The following HIVEP2 variants were observed in gnomAD, a reference collection of about 807,000 sequenced individuals.
HIVEP2 encodes HIVEP zinc finger 2.
In HIVEP2, 14 loss-of-function variants were observed where a neutral mutation model predicts 180.7. The observed-to-expected ratio is 0.08, with a 90% CI of 0.05 to 0.12. The LOEUF (loss-of-function observed/expected upper bound fraction) is 0.12, where lower values mean the gene tolerates loss of function less well. Ranked by LOEUF, HIVEP2 falls within the 10% of genes least tolerant of loss-of-function variation. HIVEP2 has a pLI of 1.00. For missense variants in HIVEP2, 2,579 were observed against 3,008.5 expected (o/e 0.86, Z 3.34); for synonymous variants, 1,184 against 1,136.4 (o/e 1.04, Z -0.84).
At chr6:142,818,114 C>T (rs1202486348) in intron 2 of HIVEP2, among the ~76,000 whole-genome samples, 1 of 152,112 alleles carries the variant, frequency 6.6e-6, no homozygotes, top group Non-Finnish European at 1.5e-5. Flanking sequence ...CAAATTACCT[C>T]ATTGTTGCCA....
intron 1 of HIVEP2, among the ~76,000 whole-genome samples, chr6:142,925,973 C>T (rs1304154995): frequency 6.6e-6 from 1 of 152,168 alleles, no homozygotes; most frequent in Non-Finnish European, 1.5e-5. Flanking sequence ...CAACCAGGGA[C>T]GTAATCACAA....
chr6:142,841,077 A>G (rs1350041041), intron 1 of HIVEP2, among the ~76,000 whole-genome samples: 1 of 152,072 alleles, frequency 6.6e-6, no homozygotes, highest in Non-Finnish European at 1.5e-5. Context: ...TTTAGGTCAT[A>G]GTTCTTCTTA....
intron 7 of HIVEP2, among the ~76,000 whole-genome samples, chr6:142,763,688 C>G (rs1014445134): frequency 2.0e-5 from 3 of 152,114 alleles, no homozygotes; most frequent in Non-Finnish European, 2.9e-5. Flanking sequence ...ATTTTCTTAT[C>G]TCCTAGGGAA....
At chr6:142,945,496 C>T (rs1778304670), upstream of HIVEP2, among the ~76,000 whole-genome samples, 1 of 152,126 alleles carries the variant, frequency 6.6e-6, no homozygotes, top group African/African-American at 2.4e-5. This position sits in a 1 kb window ranked among gnomAD's most constrained non-coding sequence, Gnocchi z 5.5. Context: ...CTTACCGAGC[C>T]GAGGAGGGAC....
chr6:142,800,982 A>C (rs865908697), intron 2 of HIVEP2, among the ~76,000 whole-genome samples: 4 of 152,116 alleles, frequency 2.6e-5, no homozygotes, highest in Middle Eastern at 6.3e-3. Context: ...AAACCTCTAC[A>C]TTTTGACCAG....
chr6:142,934,390 G>A (rs368819778), intron 1 of HIVEP2, among the ~76,000 whole-genome samples: 2 of 152,218 alleles, frequency 1.3e-5, no homozygotes, highest in East Asian at 1.9e-4. Flanking sequence ...CAACTAGTGG[G>A]GTCAGAGTTT....
intron 1 of HIVEP2, among the ~76,000 whole-genome samples, chr6:142,911,756 G>C (rs1202922497): frequency 2.0e-5 from 3 of 152,098 alleles, no homozygotes; most frequent in Non-Finnish European, 4.4e-5. Context: ...GAAACAATCA[G>C]GGGAAATGTG....
At chr6:142,769,413 G>T (rs1582839241) in intron 5 of HIVEP2, 139 bp downstream of exon 5, 1 of 706,688 alleles carries the variant, frequency 1.4e-6, no homozygotes. Flanking sequence ...CCTGAGTAAG[G>T]CCAGACTTTC....
At chr6:142,835,050 C>T (rs761210101) in intron 2 of HIVEP2, among the ~76,000 whole-genome samples, 4 of 152,102 alleles carry the variant, frequency 2.6e-5, no homozygotes, top group Non-Finnish European at 5.9e-5. Context: ...GAATCAGTCA[C>T]GTGATAGATG....
At chr6:142,860,511 A>G (rs1432604297) in intron 1 of HIVEP2, among the ~76,000 whole-genome samples, 1 of 152,150 alleles carries the variant, frequency 6.6e-6, no homozygotes, top group African/African-American at 2.4e-5. Flanking sequence ...ACTCACCATA[A>G]TATAGAATCT....
chr6:142,796,629 A>G (rs922061835), intron 2 of HIVEP2, among the ~76,000 whole-genome samples: 3 of 152,162 alleles, frequency 2.0e-5, no homozygotes, highest in Non-Finnish European at 4.4e-5. Flanking sequence ...GTACACATTA[A>G]GCAATCCAGC....
intron 9 of HIVEP2, among the ~76,000 whole-genome samples, chr6:142,759,132 C>T (rs1441217800): frequency 1.3e-5 from 2 of 151,756 alleles, no homozygotes; most frequent in Non-Finnish European, 2.9e-5. Flanking sequence ...TGAAACCCTG[C>T]CTCTACCAAT....
chr6:142,844,147 A>G (rs1200351287), intron 1 of HIVEP2, among the ~76,000 whole-genome samples: 1 of 152,176 alleles, frequency 6.6e-6, no homozygotes, highest in Non-Finnish European at 1.5e-5. Flanking sequence ...GAAATTATTA[A>G]TGAATTATAC....
chr6:142,764,681 T>C lies in HIVEP2; in HGVS notation c.5518+118A>G, dbSNP rs1451906878. ...GAGGGAGAAAATATATTTCGTGGAA[T>C]CATATTTTCACAAACAAACTATCTT... On this transcript the variant is annotated intron_variant, in intron 7 of 9. Transcript: ENST00000367603. 5 of 781,936 alleles carry C rather than the reference T, an allele frequency of 6.4e-6. No homozygotes were observed. The Admixed American group carries it at 8.0e-5, about 13-fold the overall frequency. 48.4% of individuals were successfully genotyped at this position (781,936 alleles called of 1,614,324 possible).
intron 2 of HIVEP2, among the ~76,000 whole-genome samples, chr6:142,807,688 C>T (rs1032054323): frequency 8.5e-5 from 13 of 152,138 alleles, no homozygotes; most frequent in Non-Finnish European, 1.3e-4. Context: ...TTTAATAAGT[C>T]GAAACTATCC....
chr6:142,813,653 C>A (rs1357505121), intron 2 of HIVEP2, among the ~76,000 whole-genome samples: 1 of 148,694 alleles, frequency 6.7e-6, no homozygotes, highest in Non-Finnish European at 1.5e-5. Flanking sequence ...TGGCTCATTG[C>A]AGCCTCAACT....
At chr6:142,935,615 A>G in intron 1 of HIVEP2, among the ~76,000 whole-genome samples, 1 of 152,148 alleles carries the variant, frequency 6.6e-6, no homozygotes, top group Non-Finnish European at 1.5e-5. Context: ...AAGACTAGAC[A>G]GGACTTGAGC....
At chr6:142,801,774 A>T (rs1776417456) in intron 2 of HIVEP2, among the ~76,000 whole-genome samples, 1 of 152,200 alleles carries the variant, frequency 6.6e-6, no homozygotes, top group Non-Finnish European at 1.5e-5. Context: ...TCATTGTAAG[A>T]TATGAATTTT....
At chr6:142,832,971 G>A (rs1042655580) in intron 2 of HIVEP2, among the ~76,000 whole-genome samples, 8 of 152,080 alleles carry the variant, frequency 5.3e-5, no homozygotes, top group Non-Finnish European at 1.2e-4. Flanking sequence ...ATTTTGATAC[G>A]GCTGGCTTCT....
Sources: gnomAD v4.1 joint callset for allele counts (sites outside exome capture counted in the v4.1 genomes callset) on GRCh38, gnomAD v4.1.1 for gene constraint, Gnocchi (gnomAD v3.1) non-coding constraint, MANE v1.5 for transcripts, NCBI Gene and HGNC (gene_info 2026-07-23, HGNC 2026-07-21) for gene names.